COL17A1: variants seen among roughly 807,000 people sequenced by gnomAD.
COL17A1 encodes collagen alpha-1(XVII) chain.
A neutral mutation model predicts 218.4 loss-of-function variants in COL17A1; 181 were observed. The ratio of observed to expected loss-of-function variants is 0.83; its 90% CI spans 0.73 to 0.94. The LOEUF is 0.94. Among genes scored for constraint, COL17A1 ranks in the 40% least tolerant of loss-of-function variants. The pLI, the probability that COL17A1 is intolerant of heterozygous loss-of-function variation, is 0.00. For missense variants in COL17A1, 1,924 were observed against 1,945.9 expected (o/e 0.99, Z 0.21); for synonymous variants, 721 against 731.0 (o/e 0.99, Z 0.22).
chr10:104,034,164 T>A lies in COL17A1; in HGVS notation c.3937A>T (p.Thr1313Ser), dbSNP rs749419045. 6.2e-7 allele frequency: 1 copy of A among 1,613,742 alleles called. No individual in the cohort carries two copies. Among genetic ancestry groups the A allele is most frequent in the African/African-American group, 1.3e-5 (1 of 75,044 alleles). The change falls in exon 52 of 56, where the codon ACA (threonine) becomes TCA (serine). Residue 1313 changes from threonine (T) to serine (S), a missense_variant. Thr to Ser is a moderately conservative substitution (Grantham distance 58). Coordinates refer to ENST00000648076, the MANE Select transcript of COL17A1 (RefSeq NM_000494.4). ...RGSSYSSSMSTGGGGAGSLGA... is the reference protein window; with the variant it reads ...RGSSYSSSMSSGGGGAGSLGA... ...AGGGAGCCTGCACCACCTCCTCCTG[T>A]GCTCATGGAAGAGCTGTAGGAGCTG...
rs776248899 is a variant in COL17A1, at chr10:104,041,283, G to C, written c.2647+20C>G. 1 of 1,604,196 alleles carries C rather than the reference G, an allele frequency of 6.2e-7. No homozygotes were observed. Among genetic ancestry groups the C allele is most frequent in the Non-Finnish European group, 8.5e-7 (1 of 1,175,256 alleles). ...TCTCACCTCCCCCTCCCACCTCCCA[G>C]TGGTAAGCTCGGCTCTCACCTGGTG... On this transcript the variant is annotated intron_variant, in intron 38 of 55. Coordinates refer to ENST00000648076, the MANE Select transcript of COL17A1 (RefSeq NM_000494.4).
rs1350384062 is a variant in COL17A1, at chr10:104,032,951, C to T, written c.4312G>A (p.Gly1438Arg). 1 of 1,614,034 alleles carries T rather than the reference C, an allele frequency of 6.2e-7. No individual in the cohort carries two copies. Among genetic ancestry groups the T allele is most frequent in the East Asian group, 2.2e-5 (1 of 44,878 alleles). The change falls in exon 54 of 56, where the codon GGA (glycine) becomes AGA (arginine). Residue 1438 changes from glycine to arginine, a missense_variant. Transcript: ENST00000648076. ...DFFQTYGAIQGPPGQKGEMGT... is the reference protein window; with the variant it reads ...DFFQTYGAIQRPPGQKGEMGT... ...ATCTCTCCTTTTTGCCCAGGGGGTCCTTGAATGGCTCCATAAGCTGCAAAA... is the reference window on the plus strand; with the variant it reads ...ATCTCTCCTTTTTGCCCAGGGGGTCTTTGAATGGCTCCATAAGCTGCAAAA...
At position 104,074,450 on chromosome 10, in the gene COL17A1, A is replaced by G. The variant is rs151134842; in HGVS notation, c.332-219T>C. On this transcript the variant is annotated intron_variant, in intron 5 of 55. Coordinates refer to ENST00000648076, the MANE Select transcript of COL17A1 (RefSeq NM_000494.4). ...TGGTCGCAGCACTTTGCTCTGGTCAAGGACCTACTTCAGATGAGGCAGGGA... is the reference window on the plus strand; with the variant it reads ...TGGTCGCAGCACTTTGCTCTGGTCAGGGACCTACTTCAGATGAGGCAGGGA... Among the ~76,000 whole-genome samples the G allele has an allele frequency of 3.9e-5, 6 of 152,350 alleles. No individual in the cohort carries two copies. The East Asian group carries it at 9.6e-4, about 24-fold the overall frequency.
At chr10:104,070,189 G>A (rs1002644895) in intron 9 of COL17A1, among the ~76,000 whole-genome samples, 1 of 152,132 alleles carries the variant, frequency 6.6e-6, no homozygotes, top group African/African-American at 2.4e-5. Context: ...AATGCCTGCT[G>A]AGTCTTACAT....
At chr10:104,047,994 AG>A in intron 30 of COL17A1, 74 bp downstream of exon 30, 1 of 1,567,272 alleles carries the variant, frequency 6.4e-7, no homozygotes, top group East Asian at 2.2e-5. Context: ...ACTATGGTTA[AG>A]GGGACTGAGG....
chr10:104,034,502 T>C, intron 51 of COL17A1, 119 bp downstream of exon 51: 1 of 1,515,462 alleles, frequency 6.6e-7, no homozygotes. Flanking sequence ...AAACCGGGCT[T>C]ACCCCACCAG....
At chr10:104,078,260 G>A (rs1200838621) in intron 3 of COL17A1, among the ~76,000 whole-genome samples, 1 of 152,148 alleles carries the variant, frequency 6.6e-6, no homozygotes, top group Admixed American at 6.5e-5. Context: ...TGAGGAGAGA[G>A]GAGGGAGAAT....
At chr10:104,039,196 AGT>A in intron 43 of COL17A1, 75 bp from the exon 44 acceptor site, 1 of 1,442,110 alleles carries the variant, frequency 6.9e-7, no homozygotes, top group Non-Finnish European at 9.8e-7. Context: ...CACACTTATT[AGT>A]GTGTGTCTCA....
chr10:104,072,290 C>A (rs1317565055), intron 7 of COL17A1, among the ~76,000 whole-genome samples: 2 of 152,190 alleles, frequency 1.3e-5, no homozygotes, highest in African/African-American at 4.8e-5. Flanking sequence ...AACTGCATAC[C>A]TCCCAGGCAG....
intron 33 of COL17A1, among the ~76,000 whole-genome samples, 164 bp from the exon 34 acceptor site, chr10:104,044,024 TAA>T: frequency 6.6e-6 from 1 of 152,226 alleles, no homozygotes; most frequent in South Asian, 2.1e-4. Context: ...CAGGATGCAT[TAA>T]GCCCCAATCT....
chr10:104,061,144 T>A (rs1388595580), intron 13 of COL17A1, among the ~76,000 whole-genome samples: 3 of 152,306 alleles, frequency 2.0e-5, no homozygotes, highest in Non-Finnish European at 2.9e-5. Context: ...TGCAAGTGCC[T>A]GGCCCTAGGC....
Position 104,074,242 on chromosome 10 carries a change from G to A in COL17A1, c.332-11C>T. On this transcript the variant is annotated splice_polypyrimidine_tract_variant and intron_variant, in intron 5 of 55. Transcript: ENST00000648076. The stretch of plus-strand genomic sequence containing the variant: ...TGCCACTGGAGCTCCCTGGAGAGGG[G>A]ATGAAACACTTAGAACAAATGGCCT... 1 of 1,614,182 alleles carries A rather than the reference G, an allele frequency of 6.2e-7. No individual in the cohort carries two copies. Among genetic ancestry groups the A allele is most frequent in the Non-Finnish European group, 8.5e-7 (1 of 1,180,018 alleles).
intron 32 of COL17A1, 69 bp downstream of exon 32, chr10:104,046,678 A>G: frequency 6.6e-7 from 1 of 1,507,674 alleles, no homozygotes; most frequent in East Asian, 2.3e-5. Context: ...CTGCAGGAAA[A>G]GCCCTGGCCC....
rs766199201 is a variant in COL17A1 at position 104,040,586 on chromosome 10, ATGGATGGATGGATAGG to A, written c.2702-192_2702-177del. Among the ~76,000 whole-genome samples the A allele has an allele frequency of 0.056, 8,527 of 151,212 alleles. 290 individuals carry two copies. Among genetic ancestry groups the A allele is most frequent in the African/African-American group, 0.097 (3,969 of 41,108 alleles). ...GGCGGGTGGGTGGATGGATGGATGG[ATGGATGGATGGATAGG>A]TGGATGGATGGATGGATGGATAGGT... On this transcript the variant is annotated intron_variant, in intron 39 of 55. Transcript: ENST00000648076.
At chr10:104,084,710 G>T (rs568433521) in intron 1 of COL17A1, among the ~76,000 whole-genome samples, 3 of 152,288 alleles carry the variant, frequency 2.0e-5, no homozygotes, top group African/African-American at 7.2e-5. Flanking sequence ...TAAGAGTAAA[G>T]CAGGACACCT....
chr10:104,037,044 C>T lies in COL17A1; in HGVS notation c.3277+1G>A, dbSNP rs199527325. The T allele has an allele frequency of 1.1e-4, 171 of 1,603,852 alleles. No individual in the cohort carries two copies. The highest frequency in any genetic ancestry group is 2.1e-4 in the Middle Eastern group (1 of 4,674). On this transcript the variant is annotated splice_donor_variant, in intron 47 of 55. Transcript: ENST00000648076. LOFTEE classifies it high-confidence loss of function. ...CCTCGATCCCCCCACAGGTGACTCA[C>T]GCTGCAGCACAGCCAGAATGTCTTC...
At chr10:104,065,650 G>A (rs2086620239) in intron 9 of COL17A1, among the ~76,000 whole-genome samples, 1 of 152,184 alleles carries the variant, frequency 6.6e-6, no homozygotes, top group South Asian at 2.1e-4. Flanking sequence ...TTCATTTGGG[G>A]GATCTGGCCA....
At chr10:104,037,445 G>A (rs191648154) in intron 46 of COL17A1, among the ~76,000 whole-genome samples, 191 bp downstream of exon 46, 9 of 152,298 alleles carry the variant, frequency 5.9e-5, no homozygotes, top group African/African-American at 2.2e-4. Flanking sequence ...TCTCTCCAGC[G>A]TGGCCGCCCT....
intron 55 of COL17A1, 124 bp from the exon 56 acceptor site, chr10:104,032,414 G>C: frequency 1.1e-6 from 1 of 890,458 alleles, no homozygotes; most frequent in African/African-American, 1.6e-5. Context: ...TCTTTTGTAA[G>C]ACTACATTTA....
Sources: gnomAD v4.1 joint callset for allele counts (sites outside exome capture counted in the v4.1 genomes callset) on GRCh38, gnomAD v4.1.1 for gene constraint, MANE v1.5 for transcripts, NCBI Gene and HGNC (gene_info 2026-07-23, HGNC 2026-07-21) for gene names.